Variants in ELOVL5 observed in about 807,000 individuals in gnomAD.
ELOVL5 encodes very long chain fatty acid elongase 5.
In ELOVL5, 8 loss-of-function variants were observed where a neutral mutation model predicts 38.6. The ratio of observed to expected loss-of-function variants is 0.21; its 90% confidence interval spans 0.12 to 0.37. ELOVL5 has a LOEUF of 0.37. ELOVL5 is among the 10% of genes least tolerant of loss of function. The pLI is 1.00. For synonymous variants in ELOVL5, 127 were observed against 133.7 expected (o/e 0.95, Z 0.34); for missense variants, 280 against 367.8 (o/e 0.76, Z 1.95).
At chr6:53,298,029 C>G (rs1767086640) in intron 1 of ELOVL5, among the ~76,000 whole-genome samples, 1 of 152,176 alleles carries the variant, frequency 6.6e-6, no homozygotes. Flanking sequence ...AGAGCACTGG[C>G]TAAAAGACAA....
intron 1 of ELOVL5, among the ~76,000 whole-genome samples, chr6:53,322,932 A>G (rs986924321): frequency 8.5e-5 from 13 of 152,222 alleles, no homozygotes; most frequent in African/African-American, 3.1e-4. Context: ...TCATAACACC[A>G]TTAAAAACAG....
intron 1 of ELOVL5, among the ~76,000 whole-genome samples, chr6:53,313,216 A>G (rs1009971708): frequency 2.6e-5 from 4 of 152,228 alleles, no homozygotes; most frequent in African/African-American, 9.6e-5. Context: ...TAAATGCCAA[A>G]TCTCACTTTA....
At chr6:53,302,218 C>A (rs971953874) in intron 1 of ELOVL5, among the ~76,000 whole-genome samples, 3 of 152,226 alleles carry the variant, frequency 2.0e-5, no homozygotes, top group Admixed American at 2.0e-4. Context: ...GTCCACTGTT[C>A]AACTCCCTCC....
At chr6:53,332,698 A>T (rs1449141513) in intron 1 of ELOVL5, among the ~76,000 whole-genome samples, 2 of 152,220 alleles carry the variant, frequency 1.3e-5, no homozygotes, top group Non-Finnish European at 2.9e-5. Context: ...TCTGACTTCA[A>T]CTTGCCACAA....
At chr6:53,331,372 A>C (rs2127591549) in intron 1 of ELOVL5, among the ~76,000 whole-genome samples, 1 of 152,352 alleles carries the variant, frequency 6.6e-6, no homozygotes, top group East Asian at 1.9e-4. Flanking sequence ...AGTACAGTAA[A>C]TACAAAAACC....
chr6:53,291,786 A>AT lies in ELOVL5; in HGVS notation c.235dup (p.Met79AsnfsTer4), dbSNP rs1766784033. On this transcript the variant is annotated frameshift_variant, in exon 3 of 8. Transcript: ENST00000304434. LOFTEE classifies it high-confidence loss of function. The stretch of plus-strand genomic sequence containing the variant: ...TAACCTTTGACTTACCTCACAGAAC[A>AT]TATACAGAGACAGCAGTGTGAGTCC... 1 of 1,611,844 alleles carries AT rather than the reference A, an allele frequency of 6.2e-7. No individual in the cohort carries two copies. Among genetic ancestry groups the AT allele is most frequent in the Admixed American group, 1.7e-5 (1 of 59,552 alleles).
At chr6:53,273,100 A>G in intron 6 of ELOVL5, 120 bp downstream of exon 6, 1 of 1,074,606 alleles carries the variant, frequency 9.3e-7, no homozygotes. Flanking sequence ...GAATTTAATT[A>G]CATCAAATGA....
chr6:53,311,087 C>T (rs2127582739), intron 1 of ELOVL5, among the ~76,000 whole-genome samples: 1 of 152,292 alleles, frequency 6.6e-6, no homozygotes, highest in South Asian at 2.1e-4. Flanking sequence ...GTGGGCTCTT[C>T]ACAGAACTTC....
chr6:53,339,295 T>G (rs915760977), intron 1 of ELOVL5, among the ~76,000 whole-genome samples: 1 of 152,204 alleles, frequency 6.6e-6, no homozygotes, highest in Non-Finnish European at 1.5e-5. Flanking sequence ...GATTCTCTTA[T>G]TTTAGGAATG....
Position 53,291,765 on chromosome 6 carries a change from C to T in ELOVL5, c.246+11G>A, listed in dbSNP as rs376441383. The stretch of plus-strand genomic sequence containing the variant: ...TATGTGAAAGGAAGACTGTGTTAAC[C>T]TTTGACTTACCTCACAGAACATATA... On this transcript the variant is annotated intron_variant, in intron 3 of 7. Coordinates refer to ENST00000304434, the MANE Select transcript of ELOVL5 (RefSeq NM_021814.5). 3 of 1,599,908 alleles carry T rather than the reference C, an allele frequency of 1.9e-6. No homozygotes were observed. The highest frequency in any genetic ancestry group is 2.7e-5 in the African/African-American group (2 of 74,408).
chr6:53,282,308 G>T (rs1766392454), intron 3 of ELOVL5, among the ~76,000 whole-genome samples: 1 of 152,238 alleles, frequency 6.6e-6, no homozygotes, highest in Non-Finnish European at 1.5e-5. Context: ...TTTAGTTGAG[G>T]ATCTGTAGAG....
rs1339759636 is a variant in ELOVL5 at position 53,267,640 on chromosome 6, C to T, written c.*1487G>A. ...CATGACTCCTTTTCAAACAGAAAAC[C>T]CACAAGACTAATAGAGAACCAATAG... On this transcript the variant is annotated 3_prime_UTR_variant, in exon 8 of 8. Transcript: ENST00000304434. 1 of 152,452 alleles carries T rather than the reference C, an allele frequency of 6.6e-6. No individual in the cohort carries two copies. The highest frequency in any genetic ancestry group is 1.5e-5 in the Non-Finnish European group (1 of 67,992). 9.4% of individuals were successfully genotyped at this position (152,452 alleles called of 1,614,324 possible).
chr6:53,284,873 G>C (rs1017591513), intron 3 of ELOVL5, among the ~76,000 whole-genome samples: 1 of 152,074 alleles, frequency 6.6e-6, no homozygotes, highest in African/African-American at 2.4e-5. Context: ...TAATTGTTTT[G>C]AGGTGCCATG....
intron 1 of ELOVL5, among the ~76,000 whole-genome samples, chr6:53,313,864 T>C (rs1319246304): frequency 6.6e-6 from 1 of 152,152 alleles, no homozygotes; most frequent in African/African-American, 2.4e-5. Context: ...TACTGAAGAG[T>C]GATGCCACCA....
intron 1 of ELOVL5, among the ~76,000 whole-genome samples, chr6:53,313,443 C>T (rs1405740229): frequency 6.6e-6 from 1 of 152,182 alleles, no homozygotes; most frequent in East Asian, 1.9e-4. Context: ...TCACTGCAGC[C>T]TCAACCTCCC....
At chr6:53,309,435 A>G (rs1767733011) in intron 1 of ELOVL5, among the ~76,000 whole-genome samples, 1 of 152,088 alleles carries the variant, frequency 6.6e-6, no homozygotes. Context: ...ATTATCATCA[A>G]TCCTAAACTG....
chr6:53,288,551 A>T (rs1766655697), intron 3 of ELOVL5, among the ~76,000 whole-genome samples: 1 of 152,202 alleles, frequency 6.6e-6, no homozygotes, highest in Admixed American at 6.5e-5. Flanking sequence ...TTTTCCTGGA[A>T]ATAAACACTA....
intron 1 of ELOVL5, among the ~76,000 whole-genome samples, chr6:53,296,931 A>T (rs1289213426): frequency 1.3e-5 from 2 of 152,254 alleles, no homozygotes; most frequent in Non-Finnish European, 2.9e-5. Context: ...TCACTGGCTA[A>T]TTTTAAGATA....
intron 7 of ELOVL5, 79 bp from the exon 8 acceptor site, chr6:53,269,349 A>G: frequency 1.7e-6 from 2 of 1,164,594 alleles, no homozygotes; most frequent in Non-Finnish European, 2.3e-6. Flanking sequence ...TTGCATCCCT[A>G]ACACTAGGCC....
Sources: allele counts gnomAD v4.1 joint callset (sites outside exome capture counted in the v4.1 genomes callset), GRCh38; gene constraint gnomAD v4.1.1; transcripts MANE v1.5; gene names NCBI Gene and HGNC (gene_info 2026-07-23, HGNC 2026-07-21).